LSAMP: variants seen among roughly 807,000 people sequenced by gnomAD.
LSAMP encodes the protein limbic system-associated membrane protein.
A neutral mutation model predicts 38.6 loss-of-function variants in LSAMP; 7 were observed. The ratio of observed to expected loss-of-function variants is 0.18; its 90% CI spans 0.10 to 0.34. The LOEUF (loss-of-function observed/expected upper bound fraction) is 0.34, where lower values mean the gene tolerates loss of function less well. Ranked by LOEUF, LSAMP falls within the 10% of genes least tolerant of loss-of-function variation. LSAMP has a pLI of 1.00. For synonymous variants in LSAMP, 154 were observed against 166.8 expected, an observed-to-expected ratio of 0.92 and a Z score of 0.59; for missense variants, 313 against 420.0, an observed-to-expected ratio of 0.75 and a Z score of 2.23.
At chr3:116,254,372 G>T (rs1042501886) in intron 1 of LSAMP, among the ~76,000 whole-genome samples, 1 of 152,148 alleles carries the variant, frequency 6.6e-6, no homozygotes, top group African/African-American at 2.4e-5. Context: ...TGCAAAGATG[G>T]AAAGTGAAGA....
intron 1 of LSAMP, among the ~76,000 whole-genome samples, chr3:116,392,524 G>A (rs976650039): frequency 6.6e-6 from 1 of 152,246 alleles, no homozygotes; most frequent in Non-Finnish European, 1.5e-5. Flanking sequence ...CAGGAGAGAG[G>A]CTGAGGCGGT....
chr3:116,140,716 C>G (rs574759640), intron 1 of LSAMP, among the ~76,000 whole-genome samples: 119 of 152,048 alleles, frequency 7.8e-4, no homozygotes, highest in African/African-American at 2.7e-3. Flanking sequence ...CACTAACATT[C>G]ACGAAGCTTT....
At chr3:116,296,920 C>T (rs1323965107) in intron 1 of LSAMP, among the ~76,000 whole-genome samples, 11 of 152,114 alleles carry the variant, frequency 7.2e-5, no homozygotes, top group Admixed American at 7.2e-4. Flanking sequence ...ACTTAAATGA[C>T]AAGCCCCAGA....
At chr3:115,898,066 A>G (rs145575769) in intron 3 of LSAMP, among the ~76,000 whole-genome samples, 341 of 152,250 alleles carry the variant, frequency 2.2e-3, no homozygotes, top group Middle Eastern at 0.01. Context: ...TAAGCTCAAG[A>G]AAGACCATCT....
intron 3 of LSAMP, among the ~76,000 whole-genome samples, chr3:115,963,491 G>A (rs1056856921): frequency 1.3e-5 from 2 of 152,148 alleles, no homozygotes; most frequent in Non-Finnish European, 2.9e-5. Flanking sequence ...CCTGTTTGTG[G>A]TCAGTTGAAG....
At chr3:115,824,414 C>T (rs879928743) in intron 6 of LSAMP, among the ~76,000 whole-genome samples, 14 of 152,142 alleles carry the variant, frequency 9.2e-5, no homozygotes, top group Admixed American at 8.5e-4. Context: ...ATATTCCAGG[C>T]CAGTTGCTGT....
At chr3:116,302,658 G>A (rs754831845) in intron 1 of LSAMP, among the ~76,000 whole-genome samples, 1 of 152,156 alleles carries the variant, frequency 6.6e-6, no homozygotes, top group Non-Finnish European at 1.5e-5. Context: ...GTTTGCTTTA[G>A]TAAAACATAA....
intron 1 of LSAMP, among the ~76,000 whole-genome samples, chr3:116,113,172 G>A (rs936264635): frequency 5.9e-5 from 9 of 151,448 alleles, no homozygotes; most frequent in Non-Finnish European, 1.3e-4. Context: ...AAAAAGAGAT[G>A]ATAAGAAAAG....
At chr3:116,194,340 A>G (rs1710826129) in intron 1 of LSAMP, among the ~76,000 whole-genome samples, 1 of 152,146 alleles carries the variant, frequency 6.6e-6, no homozygotes. Flanking sequence ...CGTGGATCCC[A>G]AAGAATCAAA....
At chr3:116,432,424 A>T (rs1033822867) in intron 1 of LSAMP, among the ~76,000 whole-genome samples, 3 of 151,850 alleles carry the variant, frequency 2.0e-5, no homozygotes, top group Admixed American at 1.3e-4. Context: ...AATTAATTAT[A>T]CTTCATAACA....
intron 1 of LSAMP, among the ~76,000 whole-genome samples, chr3:116,166,952 G>A (rs1710068703): frequency 6.6e-6 from 1 of 151,488 alleles, no homozygotes; most frequent in East Asian, 1.9e-4. Context: ...CACCAGGCCC[G>A]GCTAATTTTT....
chr3:116,122,083 G>T (rs1451321302), intron 1 of LSAMP, among the ~76,000 whole-genome samples: 1 of 151,966 alleles, frequency 6.6e-6, no homozygotes, highest in East Asian at 1.9e-4. Context: ...TAAAAATCAA[G>T]GCATCAAAGC....
chr3:116,341,760 C>T (rs1057054479), intron 1 of LSAMP, among the ~76,000 whole-genome samples: 2 of 152,040 alleles, frequency 1.3e-5, no homozygotes, highest in Middle Eastern at 3.4e-3. Context: ...AGAAATGACT[C>T]CCGCCTTCCT....
chr3:116,401,404 C>A (rs760249076), intron 1 of LSAMP, among the ~76,000 whole-genome samples: 2 of 152,210 alleles, frequency 1.3e-5, no homozygotes, highest in Non-Finnish European at 2.9e-5. Flanking sequence ...ACCTAAGCCT[C>A]CCAAGTAGCT....
At chr3:116,430,100 G>A (rs903169068) in intron 1 of LSAMP, among the ~76,000 whole-genome samples, 8 of 152,154 alleles carry the variant, frequency 5.3e-5, no homozygotes. Context: ...GAAGCTGGCT[G>A]ATGTTAAAAG....
At chr3:116,145,932 C>G (rs1275132617) in intron 1 of LSAMP, among the ~76,000 whole-genome samples, 1 of 151,760 alleles carries the variant, frequency 6.6e-6, no homozygotes, top group Admixed American at 6.6e-5. Flanking sequence ...TAAAAATAAA[C>G]TTCTTTTATA....
At chr3:116,204,659 A>G (rs921957568) in intron 1 of LSAMP, among the ~76,000 whole-genome samples, 2 of 152,048 alleles carry the variant, frequency 1.3e-5, no homozygotes, top group African/African-American at 4.8e-5. Context: ...TAATTAGGGA[A>G]TCCTTTCCCC....
chr3:116,317,182 T>C (rs1254428930), intron 1 of LSAMP, among the ~76,000 whole-genome samples: 1 of 152,070 alleles, frequency 6.6e-6, no homozygotes, highest in Non-Finnish European at 1.5e-5. Context: ...CTTTGTTGTT[T>C]GGCTCTTCAC....
At chr3:116,107,134 T>C (rs1708485922) in intron 1 of LSAMP, among the ~76,000 whole-genome samples, 1 of 151,898 alleles carries the variant, frequency 6.6e-6, no homozygotes, top group Non-Finnish European at 1.5e-5. Flanking sequence ...GGGGTGAATA[T>C]CAGGCGGATC....
Sources: allele counts gnomAD v4.1 joint callset (sites outside exome capture counted in the v4.1 genomes callset), GRCh38; gene constraint gnomAD v4.1.1; transcripts MANE v1.5; gene names NCBI Gene and HGNC (gene_info 2026-07-23, HGNC 2026-07-21).